Variants in DNAJC2 observed in about 807,000 individuals in gnomAD.
DNAJC2 encodes the protein DnaJ heat shock protein family (Hsp40) member C2.
DNAJC2 carries 32 observed loss-of-function variants against 94.0 expected under a neutral mutation model. That is an observed-to-expected ratio of 0.34 (90% CI 0.26 to 0.46). DNAJC2 has a LOEUF of 0.46. Ranked by LOEUF, DNAJC2 falls within the 20% of genes least tolerant of loss-of-function variation. The pLI is 1.00. For missense variants in DNAJC2, 550 were observed against 719.5 expected (o/e 0.76, Z 2.69); for synonymous variants, 210 against 229.7 (o/e 0.91, Z 0.77).
At chr7:103,312,737 T>C (rs754593747) in intron 16 of DNAJC2, 94 bp from the exon 17 acceptor site, 33 of 1,564,168 alleles carry the variant, frequency 2.1e-5, no homozygotes, top group Non-Finnish European at 2.4e-5. Flanking sequence ...GCAACTAAGA[T>C]AGATAGTACT....
At position 103,323,634 on chromosome 7, in the gene DNAJC2, G is replaced by T; in HGVS notation, c.683C>A (p.Ser228Tyr). Reference sequence around the variant, plus strand: ...TTCTTTTTCTTCTTCATCTAAATAAGAAAATTCTCTCCAAGAATCAAAATT... The same window carrying T: ...TTCTTTTTCTTCTTCATCTAAATAATAAAATTCTCTCCAAGAATCAAAATT... ...WYNFDSWREF[S>Y]YLDEEEKEKA... Residue 228 changes from serine (S) to tyrosine (Y), a missense_variant, in exon 7 of 17, where the codon TCT becomes TAT. This residue lies in a region of DNAJC2 where 279 missense variants were observed against 416.9 expected (regional missense o/e 0.67). Transcript: ENST00000379263. The T allele has an allele frequency of 6.9e-7, 1 of 1,456,350 alleles. No individual in the cohort carries two copies. Among genetic ancestry groups the T allele is most frequent in the Non-Finnish European group, 9.4e-7 (1 of 1,068,742 alleles). The allele number at this position is 1,456,350 out of a possible 1,614,324, so 90.2% of individuals were successfully genotyped here. A position where few individuals can be genotyped will look rare whatever the true frequency, so the allele number is the denominator to read the frequency against.
Position 103,327,680 on chromosome 7 carries a change from C to G in DNAJC2, c.406G>C (p.Asp136His). Residue 136 changes from aspartate (D) to histidine (H), a missense_variant, in exon 4 of 17, where the codon GAC becomes CAC. Physicochemically the swap from Asp to His is moderately conservative, Grantham distance 81. Around this residue, in one of 2 missense-constraint regions of DNAJC2, gnomAD observed 279 missense variants for 416.9 expected, o/e 0.67. Transcript: ENST00000379263. ...AGEPIKEGDN[D>H]YFTCITKAYE... is the part of the protein sequence containing the mutation. ...CCTTTAGTTATGCAAGTGAAGTAGT[C>G]ATTATCTCCTTCTTTTATTGGTTCA... The G allele has an allele frequency of 6.2e-7, 1 of 1,609,660 alleles. No homozygotes were observed. The highest frequency in any genetic ancestry group is 8.5e-7 in the Non-Finnish European group (1 of 1,176,476).
At chr7:103,332,515 A>T (rs1277067493) in intron 3 of DNAJC2, among the ~76,000 whole-genome samples, 1 of 152,246 alleles carries the variant, frequency 6.6e-6, no homozygotes, top group Non-Finnish European at 1.5e-5. Context: ...TATATTCAGC[A>T]TTAGAATTTT....
rs1818782591 is a variant in DNAJC2 at position 103,327,748 on chromosome 7, G to A, written c.338C>T (p.Ala113Val). ...GTCTGGGTGATGTTTTAAAACCATT[G>A]CTTTATCTACAAAACCAGTCAGATT... ...TQRQIKAAHK[A>V]MVLKHHPDKR... is the part of the protein sequence containing the mutation. The change falls in exon 4 of 17, where the codon GCA (alanine) becomes GTA (valine). Residue 113 changes from alanine to valine, a missense_variant. Coordinates refer to ENST00000379263, the MANE Select transcript of DNAJC2 (RefSeq NM_014377.3). 3 of 1,609,272 alleles carry A rather than the reference G, an allele frequency of 1.9e-6. No homozygotes were observed. Among genetic ancestry groups the A allele is most frequent in the Non-Finnish European group, 2.5e-6 (3 of 1,177,378 alleles).
chr7:103,315,809 C>T lies in DNAJC2; in HGVS notation c.1591G>A (p.Val531Met), dbSNP rs771802968. 6.8e-6 allele frequency: 11 copies of T among 1,613,704 alleles called. No individual in the cohort carries two copies. The highest frequency in any genetic ancestry group is 2.7e-5 in the African/African-American group (2 of 74,866). Residue 531 changes from valine (V) to methionine (M), a missense_variant, in exon 15 of 17, where the codon GTG becomes ATG. By Grantham distance (21) the Val-to-Met change is conservative. This residue lies in a region of DNAJC2 where 271 missense variants were observed against 302.6 expected (regional missense o/e 0.90). Transcript: ENST00000379263. ...GTTGCGTTGTCTGCTTGAGGTACCA[C>T]TCCATGTTCTTTTTTGAACTTATCA... ...AFDKFKKEHG[V>M]VPQADNATPS... is the part of the protein sequence containing the mutation.
At chr7:103,319,195 T>C (rs1818242870) in intron 12 of DNAJC2, among the ~76,000 whole-genome samples, 3 of 151,660 alleles carry the variant, frequency 2.0e-5, no homozygotes, top group Admixed American at 1.3e-4. Context: ...TCCCAGCACT[T>C]TGAGAAGCCT....
At position 103,315,772 on chromosome 7, in the gene DNAJC2, C is replaced by A. The variant is rs758912278; in HGVS notation, c.1628G>T (p.Arg543Leu). The change falls in exon 15 of 17, where the codon CGA becomes CTA. Residue 543 changes from arginine to leucine, a missense_variant. Arg to Leu is a moderately radical substitution (Grantham distance 102). This residue lies in a region of DNAJC2 where 271 missense variants were observed against 302.6 expected (regional missense o/e 0.90). Transcript: ENST00000379263. ...AGAAAAGCAAAATTTACCTTCAAAT[C>A]GTTCTGAAGGCGTTGCGTTGTCTGC... ...PQADNATPSE[R>L]FEGPYTDFTP... 24 of 1,612,938 alleles carry A rather than the reference C, an allele frequency of 1.5e-5. No individual in the cohort carries two copies. The highest frequency in any genetic ancestry group is 2.0e-5 in the Non-Finnish European group (24 of 1,179,236).
chr7:103,336,893 T>C (rs1465778626), intron 3 of DNAJC2: 2 of 152,264 alleles, frequency 1.3e-5, no homozygotes, highest in African/African-American at 4.8e-5. Flanking sequence ...TCATCTACTA[T>C]GCTAAGTATT....
chr7:103,327,721 TTGTC>T lies in DNAJC2; in HGVS notation c.361_364del (p.Asp121AsnfsTer9). 1 of 1,613,664 alleles carries T rather than the reference TTGTC, an allele frequency of 6.2e-7. No individual in the cohort carries two copies. Among genetic ancestry groups the T allele is most frequent in the East Asian group, 2.2e-5 (1 of 44,846 alleles). On this transcript the variant is annotated frameshift_variant, in exon 4 of 17. Coordinates refer to ENST00000379263, the MANE Select transcript of DNAJC2 (RefSeq NM_014377.3). LOFTEE classifies it high-confidence loss of function. ...TATTGGTTCACCAGCTGCTTTCCGT[TTGTC>T]TGGGTGATGTTTTAAAACCATTGCT...
At chr7:103,327,292 A>T in intron 4 of DNAJC2, 2 of 1,181,648 alleles carry the variant, frequency 1.7e-6, no homozygotes, top group Non-Finnish European at 2.2e-6. Context: ...ACGAAAAAAA[A>T]AAAAATCTTA....
intron 2 of DNAJC2, among the ~76,000 whole-genome samples, chr7:103,338,371 A>ACTGCAAC: frequency 6.7e-6 from 1 of 148,938 alleles, no homozygotes; most frequent in East Asian, 2.1e-4. Context: ...ATCTTGGCTC[A>ACTGCAAC]CTGCAACCTC....
intron 2 of DNAJC2, among the ~76,000 whole-genome samples, chr7:103,341,473 C>T (rs1421705167): frequency 2.6e-5 from 4 of 152,200 alleles, no homozygotes; most frequent in African/African-American, 9.6e-5. Flanking sequence ...GTATATCTTA[C>T]TCCTTCTGCC....
rs1819224656 is a variant in DNAJC2 at position 103,337,623 on chromosome 7, G to A, written c.331+113C>T. On this transcript the variant is annotated intron_variant, in intron 3 of 16. Transcript: ENST00000379263. Reference sequence around the variant, plus strand: ...TGCTTGTTATGACAATATAACACATGCTGTTAAATGTAGTTATGGCTGCAG... The same window carrying A: ...TGCTTGTTATGACAATATAACACATACTGTTAAATGTAGTTATGGCTGCAG... 4 of 820,112 alleles carry A rather than the reference G, an allele frequency of 4.9e-6. No individual in the cohort carries two copies. The East Asian group carries it at 1.1e-4, about 22-fold the overall frequency. 50.8% of individuals were successfully genotyped at this position (820,112 alleles called of 1,614,324 possible). A position where few individuals can be genotyped will look rare whatever the true frequency, so the allele number is the denominator to read the frequency against.
At chr7:103,326,842 C>T (rs1239167269) in intron 4 of DNAJC2, among the ~76,000 whole-genome samples, 158 bp from the exon 5 acceptor site, 1 of 152,174 alleles carries the variant, frequency 6.6e-6, no homozygotes, top group Non-Finnish European at 1.5e-5. Context: ...GTAACAACAG[C>T]TTTAGCACTA....
At chr7:103,322,462 AAAG>A (rs1454034316) in intron 9 of DNAJC2, 46 bp downstream of exon 9, 2 of 1,392,494 alleles carry the variant, frequency 1.4e-6, no homozygotes, top group Admixed American at 5.2e-5. Flanking sequence ...AGTGAAGATT[AAAG>A]ATTTCATAAA....
intron 3 of DNAJC2, among the ~76,000 whole-genome samples, chr7:103,331,409 ATTG>A (rs1185329399): frequency 6.6e-6 from 1 of 152,222 alleles, no homozygotes; most frequent in Non-Finnish European, 1.5e-5. Flanking sequence ...ACAATACATC[ATTG>A]TTAACTATCA....
Position 103,337,635 on chromosome 7 carries a change from A to G in DNAJC2, c.331+101T>C, listed in dbSNP as rs1586111659. The G allele has an allele frequency of 8.7e-6, 8 of 917,798 alleles. No homozygotes were observed. In the East Asian group the frequency reaches 2.0e-4, roughly 23 times the overall value. The allele number at this position is 917,798 out of a possible 1,614,324, so 56.9% of individuals were successfully genotyped here. The stretch of plus-strand genomic sequence containing the variant: ...CAATATAACACATGCTGTTAAATGT[A>G]GTTATGGCTGCAGACTATGATACTG... On this transcript the variant is annotated intron_variant, in intron 3 of 16. Coordinates refer to ENST00000379263, the MANE Select transcript of DNAJC2 (RefSeq NM_014377.3).
intron 3 of DNAJC2, among the ~76,000 whole-genome samples, chr7:103,334,948 C>A (rs906091273): frequency 6.6e-6 from 1 of 152,044 alleles, no homozygotes; most frequent in Non-Finnish European, 1.5e-5. Context: ...GTTCTCGTGC[C>A]GCAGCCGCCC....
At chr7:103,318,799 T>C (rs2115823572) in intron 12 of DNAJC2, among the ~76,000 whole-genome samples, 1 of 152,330 alleles carries the variant, frequency 6.6e-6, no homozygotes, top group Non-Finnish European at 1.5e-5. Flanking sequence ...TCAAAACAAT[T>C]ATTTTTTTCT....
Sources: gnomAD v4.1 joint callset for allele counts (sites outside exome capture counted in the v4.1 genomes callset) on GRCh38, gnomAD v4.1.1 for gene constraint, gnomAD v4.1.1 regional missense constraint, MANE v1.5 for transcripts, NCBI Gene and HGNC (gene_info 2026-07-23, HGNC 2026-07-21) for gene names.